Variants in SORCS3 observed in about 807,000 individuals in gnomAD.
SORCS3 encodes sortilin related VPS10 domain containing receptor 3, also known as VPS10 domain-containing receptor SorCS3.
A neutral mutation model predicts 146.3 loss-of-function variants in SORCS3; 57 were observed. The observed-to-expected ratio is 0.39, with a 90% confidence interval of 0.31 to 0.49. The LOEUF (loss-of-function observed/expected upper bound fraction) is 0.49, where lower values mean the gene tolerates loss of function less well. Among genes scored for constraint, SORCS3 ranks in the 20% least tolerant of loss-of-function variants. SORCS3 has a pLI of 0.92. For missense variants in SORCS3, 1,341 were observed against 1,575.5 expected (o/e 0.85, Z 2.52); for synonymous variants, 653 against 618.5 (o/e 1.06, Z -0.83).
chr10:104,958,967 C>T (rs1182074161), intron 3 of SORCS3, among the ~76,000 whole-genome samples: 13 of 152,048 alleles, frequency 8.5e-5, no homozygotes. Flanking sequence ...CCAATCACCT[C>T]CCACCAGGTT....
intron 20 of SORCS3, among the ~76,000 whole-genome samples, chr10:105,241,117 C>A (rs1414909271): frequency 6.6e-6 from 1 of 152,042 alleles, no homozygotes; most frequent in Non-Finnish European, 1.5e-5. Context: ...TTTCTCTTGA[C>A]TAAATTCTTA....
At chr10:104,953,875 A>G (rs2177744) in intron 3 of SORCS3, among the ~76,000 whole-genome samples, 44,420 of 152,126 alleles carry the variant, frequency 0.29, 7,713 homozygotes, top group African/African-American at 0.49. Flanking sequence ...GCAATAAATG[A>G]CACAAAAGCA....
intron 1 of SORCS3, among the ~76,000 whole-genome samples, chr10:104,771,608 G>A (rs952802366): frequency 1.3e-5 from 2 of 152,154 alleles, no homozygotes; most frequent in Non-Finnish European, 2.9e-5. Flanking sequence ...GATGATGTTT[G>A]CACAGGCATG....
intron 4 of SORCS3, among the ~76,000 whole-genome samples, chr10:105,032,582 A>G (rs1015365210): frequency 1.3e-5 from 2 of 152,186 alleles, no homozygotes; most frequent in African/African-American, 4.8e-5. Context: ...TTCTGGAATT[A>G]TGTTTCAAAT....
intron 7 of SORCS3, among the ~76,000 whole-genome samples, chr10:105,128,750 G>A (rs1487902387): frequency 6.6e-6 from 1 of 152,126 alleles, no homozygotes; most frequent in Non-Finnish European, 1.5e-5. Context: ...TGGATCAACA[G>A]CATAATTTGT....
intron 1 of SORCS3, among the ~76,000 whole-genome samples, chr10:104,760,798 GACAAGC>G (rs2017112770): frequency 6.6e-6 from 1 of 152,098 alleles, no homozygotes; most frequent in Non-Finnish European, 1.5e-5. Flanking sequence ...TTGATTCAGA[GACAAGC>G]AGTCTTAAAT....
At chr10:104,745,356 G>A (rs2016895148) in intron 1 of SORCS3, among the ~76,000 whole-genome samples, 1 of 152,098 alleles carries the variant, frequency 6.6e-6, no homozygotes, top group African/African-American at 2.4e-5. Flanking sequence ...CATCTAAAAG[G>A]ATCTATTAGT....
chr10:105,120,909 C>G (rs2055927830), intron 7 of SORCS3, among the ~76,000 whole-genome samples: 1 of 152,116 alleles, frequency 6.6e-6, no homozygotes, highest in African/African-American at 2.4e-5. Flanking sequence ...TCTCCATGGG[C>G]ATGAGAAGTA....
At position 105,157,316 on chromosome 10, in the gene SORCS3, G is replaced by A. The variant is rs778663953; in HGVS notation, c.1629+32G>A. ...CACTCAGCCTCATGGGAAGTTCACA[G>A]GGCAGGCTGGCCACCTGCAGAAGCT... On this transcript the variant is annotated intron_variant, in intron 10 of 26. Coordinates refer to ENST00000369701, the MANE Select transcript of SORCS3 (RefSeq NM_014978.3). The A allele has an allele frequency of 3.1e-6, 5 of 1,609,090 alleles. No homozygotes were observed. The East Asian group carries it at 6.7e-5, about 22-fold the overall frequency.
At chr10:104,780,361 G>A (rs1167143663) in intron 1 of SORCS3, among the ~76,000 whole-genome samples, 1 of 152,142 alleles carries the variant, frequency 6.6e-6, no homozygotes. Flanking sequence ...AGGAAGGGAG[G>A]TGGAAAGGGA....
intron 4 of SORCS3, among the ~76,000 whole-genome samples, chr10:104,981,283 A>T (rs745875929): frequency 6.6e-6 from 1 of 152,210 alleles, no homozygotes; most frequent in Non-Finnish European, 1.5e-5. Flanking sequence ...CAGTAAAGAC[A>T]AGAGATTCAT....
At chr10:105,037,734 G>A (rs2055315548) in intron 4 of SORCS3, among the ~76,000 whole-genome samples, 2 of 152,170 alleles carry the variant, frequency 1.3e-5, no homozygotes, top group Non-Finnish European at 2.9e-5. Context: ...TTATTTCCAA[G>A]TAAGGTCACA....
intron 3 of SORCS3, among the ~76,000 whole-genome samples, chr10:104,956,933 G>T (rs1169303682): frequency 1.3e-5 from 2 of 152,126 alleles, no homozygotes; most frequent in Non-Finnish European, 2.9e-5. Context: ...GCTGGGATCC[G>T]ATGACACAGC....
At chr10:104,701,747 G>A (rs1297320045) in intron 1 of SORCS3, among the ~76,000 whole-genome samples, 1 of 152,162 alleles carries the variant, frequency 6.6e-6, no homozygotes, top group East Asian at 1.9e-4. Context: ...TCAGGCAAGA[G>A]TAGATATTAT....
chr10:104,700,872 C>T (rs1263171733), intron 1 of SORCS3, among the ~76,000 whole-genome samples: 1 of 152,172 alleles, frequency 6.6e-6, no homozygotes, highest in African/African-American at 2.4e-5. Flanking sequence ...CAGCCAACCA[C>T]AGCCCAAGCT....
In SORCS3 at chr10:105,089,763, T is replaced by A; in HGVS notation, c.1029-12T>A. 1 of 1,613,360 alleles carries A rather than the reference T, an allele frequency of 6.2e-7. No homozygotes were observed. Among genetic ancestry groups the A allele is most frequent in the Non-Finnish European group, 8.5e-7 (1 of 1,179,402 alleles). On this transcript the variant is annotated splice_polypyrimidine_tract_variant and intron_variant, in intron 5 of 26. Coordinates refer to ENST00000369701, the MANE Select transcript of SORCS3 (RefSeq NM_014978.3). ...TTGTCACTGAGCTTCTGTCTCTCCC[T>A]TCCTTTCCCAGGTCGGTGGCCGGAT...
At chr10:105,124,403 G>A (rs572642656) in intron 7 of SORCS3, among the ~76,000 whole-genome samples, 157 of 152,274 alleles carry the variant, frequency 1.0e-3, no homozygotes, top group Non-Finnish European at 1.8e-3. Context: ...CAGGGCATAC[G>A]GCCTGCACCC....
intron 20 of SORCS3, among the ~76,000 whole-genome samples, chr10:105,232,900 C>A (rs2056773082): frequency 6.6e-6 from 1 of 151,818 alleles, no homozygotes; most frequent in South Asian, 2.1e-4. Context: ...TGTATGATTT[C>A]TATTCTTTCA....
chr10:105,244,976 G>A (rs1466185160), intron 20 of SORCS3, among the ~76,000 whole-genome samples: 1 of 151,494 alleles, frequency 6.6e-6, no homozygotes. Flanking sequence ...GGTTGAGGCA[G>A]GAGAATTGTT....
Sources: gnomAD v4.1 joint callset for allele counts (sites outside exome capture counted in the v4.1 genomes callset) on GRCh38, gnomAD v4.1.1 for gene constraint, MANE v1.5 for transcripts, NCBI Gene and HGNC (gene_info 2026-07-23, HGNC 2026-07-21) for gene names.